Variants in CNNM4 observed in about 807,000 individuals in gnomAD.
The protein encoded by CNNM4 is cyclin and CBS domain divalent metal cation transport mediator 4.
A neutral mutation model predicts 53.7 loss-of-function variants in CNNM4; 32 were observed. The observed-to-expected ratio is 0.60, with a 90% CI of 0.45 to 0.80. The LOEUF (loss-of-function observed/expected upper bound fraction) is 0.80. CNNM4 is among the 30% of genes least tolerant of loss of function. The pLI, the probability that CNNM4 is intolerant of heterozygous loss-of-function variation, is 0.00. For synonymous variants in CNNM4, 410 were observed against 440.0 expected (o/e 0.93, Z 0.85); for missense variants, 784 against 1,022.0 (o/e 0.77, Z 3.17).
In CNNM4 at chr2:96,811,289, A is replaced by T. The variant is rs545980459; in HGVS notation, c.*1772A>T. 1 of 152,366 alleles carries T rather than the reference A, an allele frequency of 6.6e-6. No homozygotes were observed. Among genetic ancestry groups the T allele is most frequent in the Non-Finnish European group, 1.5e-5 (1 of 68,040 alleles). The allele number at this position is 152,366 out of a possible 1,614,324, so 9.4% of individuals were successfully genotyped here. A position where few individuals can be genotyped will look rare whatever the true frequency, so the allele number is the denominator to read the frequency against. ...AGTGGGGGAAAGCCCTTAGTCTTGTACAGGAGCAGCTTGCTCCCAAGTCCT... is the reference window on the plus strand; with the variant it reads ...AGTGGGGGAAAGCCCTTAGTCTTGTTCAGGAGCAGCTTGCTCCCAAGTCCT... On this transcript the variant is annotated 3_prime_UTR_variant, in exon 7 of 7. Coordinates refer to ENST00000377075, the MANE Select transcript of CNNM4 (RefSeq NM_020184.4).
At chr2:96,764,900 T>C (rs1489992772) in intron 1 of CNNM4, among the ~76,000 whole-genome samples, 1 of 151,062 alleles carries the variant, frequency 6.6e-6, no homozygotes, top group Non-Finnish European at 1.5e-5. Flanking sequence ...GGCAGGAGAA[T>C]CGCTTGAACC....
intron 1 of CNNM4, among the ~76,000 whole-genome samples, chr2:96,764,759 G>A (rs1182136266): frequency 1.3e-5 from 2 of 152,006 alleles, no homozygotes; most frequent in African/African-American, 4.8e-5. Context: ...AGGGCGAGGC[G>A]GACAGATCAC....
intron 1 of CNNM4, 30 bp from the exon 2 acceptor site, chr2:96,796,982 T>G (rs574374943): frequency 1.2e-6 from 2 of 1,611,288 alleles, no homozygotes; most frequent in African/African-American, 1.3e-5. Context: ...GCCTCTGGGC[T>G]CTTGTCTGAC....
chr2:96,808,671 G>C lies in CNNM4; in HGVS notation c.2059G>C (p.Gly687Arg). 1 of 1,614,178 alleles carries C rather than the reference G, an allele frequency of 6.2e-7. No homozygotes were observed. Among genetic ancestry groups the C allele is most frequent in the Non-Finnish European group, 8.5e-7 (1 of 1,180,030 alleles). ...CTTGGCAGGCAGCAGCAACCAGTTT[G>C]GCAGCTCTGTCCTGGGCCAGTACAT... is the stretch of plus-strand genomic sequence containing the variant. ...ATLAGSSNQF[G>R]SSVLGQYISD... Residue 687 changes from glycine (G) to arginine (R), a missense_variant, in exon 6 of 7, where the codon GGC (glycine) becomes CGC (arginine). Gly to Arg is a moderately radical substitution (Grantham distance 125, BLOSUM62 -2). This residue lies in a region of CNNM4 where 307 missense variants were observed against 376.3 expected (regional missense o/e 0.82). Transcript: ENST00000377075. This position sits in a 1 kb window ranked among gnomAD's most constrained non-coding sequence, Gnocchi z 4.9.
intron 6 of CNNM4, 158 bp from the exon 7 acceptor site, chr2:96,809,162 G>A (rs1032559270): frequency 1.3e-6 from 2 of 1,494,084 alleles, no homozygotes; most frequent in South Asian, 1.2e-5. Context: ...TTCTTCTCTT[G>A]TTCGTGCACC....
chr2:96,779,729 T>C (rs2078956900), intron 1 of CNNM4, among the ~76,000 whole-genome samples: 1 of 152,112 alleles, frequency 6.6e-6, no homozygotes, highest in African/African-American at 2.4e-5. Context: ...TTCAAGATTG[T>C]CTTAGCTATT....
At chr2:96,795,357 G>A (rs560988607) in intron 1 of CNNM4, among the ~76,000 whole-genome samples, 2 of 152,296 alleles carry the variant, frequency 1.3e-5, no homozygotes, top group Admixed American at 6.5e-5. Context: ...AAGATACTGG[G>A]GTATTTTCAA....
intron 1 of CNNM4, among the ~76,000 whole-genome samples, chr2:96,772,467 C>T (rs1219658934): frequency 2.2e-5 from 3 of 133,656 alleles, no homozygotes; most frequent in African/African-American, 8.7e-5. Flanking sequence ...TAGGCACAGG[C>T]AGGCTCGCTC....
In CNNM4 at chr2:96,796,344, C is replaced by T. The variant is rs182749517; in HGVS notation, c.1403-668C>T. Among the ~76,000 whole-genome samples, 1,508 of 151,872 alleles carry T rather than the reference C, an allele frequency of 9.9e-3. 15 individuals carry two copies. The highest frequency in any genetic ancestry group is 0.012 in the Non-Finnish European group (835 of 67,928). ...ATTTTTAGTAGAGATGGGGTTTTACCGTGTTGGCCAGGCTGGTCTCAAACT... is the reference window on the plus strand; with the variant it reads ...ATTTTTAGTAGAGATGGGGTTTTACTGTGTTGGCCAGGCTGGTCTCAAACT... On this transcript the variant is annotated intron_variant, in intron 1 of 6. Transcript: ENST00000377075.
At position 96,801,724 on chromosome 2, in the gene CNNM4, C is replaced by CAG. The variant is rs140663291; in HGVS notation, c.1948+2080_1948+2081dup. ...CACACGCAGAGAGACCACACACATG[C>CAG]AGAGACCACACACACCCAGAGACCA... On this transcript the variant is annotated intron_variant, in intron 5 of 6. Transcript: ENST00000377075. This position sits in a 1 kb window ranked among gnomAD's most constrained non-coding sequence, Gnocchi z 5.6. 0.19 allele frequency among the ~76,000 whole-genome samples: 27,826 copies of CAG among 148,204 alleles called. 4,873 individuals carry two copies. Among genetic ancestry groups the CAG allele is most frequent in the African/African-American group, 0.47 (18,698 of 40,030 alleles).
At chr2:96,766,382 C>G (rs1188371912) in intron 1 of CNNM4, among the ~76,000 whole-genome samples, 1 of 152,106 alleles carries the variant, frequency 6.6e-6, no homozygotes, top group Non-Finnish European at 1.5e-5. Context: ...GCCCTTTTTG[C>G]TGTTCTTAAA....
chr2:96,809,065 C>T (rs2079233126), intron 6 of CNNM4, among the ~76,000 whole-genome samples: 1 of 151,344 alleles, frequency 6.6e-6, no homozygotes, highest in Non-Finnish European at 1.5e-5. Context: ...TGGCTTGAGA[C>T]TCCTGGGCTC....
rs1558993310 is a variant in CNNM4 at position 96,797,542 on chromosome 2, G to A, written c.1576G>A (p.Glu526Lys). 4.3e-6 allele frequency: 7 copies of A among 1,614,204 alleles called. No homozygotes were observed. The highest frequency in any genetic ancestry group is 1.7e-5 in the Admixed American group (1 of 60,022). Residue 526 changes from glutamate to lysine, a missense_variant, in exon 3 of 7, where the codon GAG becomes AAG. Glu to Lys is a moderately conservative substitution (Grantham distance 56). Around this residue, in one of 3 missense-constraint regions of CNNM4, gnomAD observed 307 missense variants for 376.3 expected, o/e 0.82. Coordinates refer to ENST00000377075, the MANE Select transcript of CNNM4 (RefSeq NM_020184.4). The surrounding 1 kb of genome is among the most constrained non-coding windows in gnomAD (Gnocchi z 6.0). Reference protein sequence around the residue: ...TDNRSRKRVSEKNKRDFSAFK... With the variant: ...TDNRSRKRVSKKNKRDFSAFK... ...CAACCGAAGCCGGAAGCGGGTGTCTGAGAAGAACAAGCGTGACTTCTCTGC... is the reference window on the plus strand; with the variant it reads ...CAACCGAAGCCGGAAGCGGGTGTCTAAGAAGAACAAGCGTGACTTCTCTGC...
At chr2:96,804,379 G>C (rs1341119722) in intron 5 of CNNM4, among the ~76,000 whole-genome samples, 1 of 148,320 alleles carries the variant, frequency 6.7e-6, no homozygotes, top group Non-Finnish European at 1.5e-5. Context: ...ACAGGCGTGC[G>C]CCAGGAACCC....
intron 3 of CNNM4, chr2:96,798,440 G>C (rs944822933): frequency 1.4e-4 from 23 of 165,748 alleles, no homozygotes; most frequent in Admixed American, 1.2e-3. Flanking sequence ...GACGTGTGCT[G>C]GTTCCCGCAG....
chr2:96,782,921 C>T (rs1025601169), intron 1 of CNNM4, among the ~76,000 whole-genome samples: 2 of 152,012 alleles, frequency 1.3e-5, no homozygotes, highest in Non-Finnish European at 2.9e-5. Context: ...TAATAGTGGT[C>T]CACGCTGGGA....
intron 1 of CNNM4, among the ~76,000 whole-genome samples, chr2:96,791,756 A>G (rs1202582744): frequency 6.6e-6 from 1 of 152,184 alleles, no homozygotes; most frequent in Non-Finnish European, 1.5e-5. Flanking sequence ...ATTATATTTT[A>G]CCAAAACCAG....
chr2:96,797,375 C>T lies in CNNM4; in HGVS notation c.1547-138C>T. On this transcript the variant is annotated intron_variant, in intron 2 of 6. Transcript: ENST00000377075. This position sits in a 1 kb window ranked among gnomAD's most constrained non-coding sequence, Gnocchi z 6.0. ...CTCGGCCTTTGTGCCTCGGCGTCAG[C>T]CCAGGACCCTGCCAGCCAGAGCCTG... 1 of 1,433,448 alleles carries T rather than the reference C, an allele frequency of 7.0e-7. No individual in the cohort carries two copies. The highest frequency in any genetic ancestry group is 1.4e-5 in the African/African-American group (1 of 71,630). 88.8% of individuals were successfully genotyped at this position (1,433,448 alleles called of 1,614,324 possible).
rs538151165 is a variant in CNNM4, at chr2:96,811,108, C to T, written c.*1591C>T. 1.3e-5 allele frequency: 2 copies of T among 152,334 alleles called. No individual in the cohort carries two copies. The highest frequency in any genetic ancestry group is 4.1e-4 in the South Asian group (2 of 4,826). 9.4% of individuals were successfully genotyped at this position (152,334 alleles called of 1,614,324 possible). On this transcript the variant is annotated 3_prime_UTR_variant, in exon 7 of 7. Transcript: ENST00000377075. ...TCCAGGTGCCTAGAGTATCCTAACTCTTAGGACCAGGGATTGTCTTGCACC... is the reference window on the plus strand; with the variant it reads ...TCCAGGTGCCTAGAGTATCCTAACTTTTAGGACCAGGGATTGTCTTGCACC...
Sources: allele counts gnomAD v4.1 joint callset (sites outside exome capture counted in the v4.1 genomes callset), GRCh38; gene constraint gnomAD v4.1.1; regional missense constraint gnomAD v4.1.1; non-coding constraint Gnocchi (gnomAD v3.1); transcripts MANE v1.5; gene names NCBI Gene and HGNC (gene_info 2026-07-23, HGNC 2026-07-21).